Variants in TJP1 observed in about 807,000 individuals in gnomAD.
The protein encoded by TJP1 is tight junction protein ZO-1.
In TJP1, 43 loss-of-function variants were observed where a neutral mutation model predicts 194.2. The ratio of observed to expected loss-of-function variants is 0.22; its 90% CI spans 0.17 to 0.29. The LOEUF is 0.29. Ranked by LOEUF, TJP1 falls within the 10% of genes least tolerant of loss-of-function variation. The pLI is 1.00. For synonymous variants in TJP1, 801 were observed against 779.0 expected (o/e 1.03, Z -0.47); for missense variants, 1,971 against 2,185.7 (o/e 0.90, Z 1.96).
intron 2 of TJP1, among the ~76,000 whole-genome samples, chr15:29,912,695 CAAAAAAAAAA>C (rs71103416): frequency 3.5e-4 from 23 of 64,952 alleles, no homozygotes; most frequent in Non-Finnish European, 3.6e-4. Context: ...GACTCTGTCT[CAAAAAAAAAA>C]AAAAAAAAAA....
intron 2 of TJP1, among the ~76,000 whole-genome samples, chr15:29,778,254 AT>A (rs1239428004): frequency 6.6e-6 from 1 of 151,970 alleles, no homozygotes; most frequent in Non-Finnish European, 1.5e-5. Context: ...CTTGGGAACA[AT>A]TTCAAAACTG....
chr15:29,801,831 A>C (rs1350183057), intron 1 of TJP1, among the ~76,000 whole-genome samples: 1 of 152,078 alleles, frequency 6.6e-6, no homozygotes, highest in African/African-American at 2.4e-5. Flanking sequence ...TGAAAGAAGA[A>C]GAATTGTCTT....
intron 27 of TJP1, among the ~76,000 whole-genome samples, chr15:29,702,951 CTAAT>C (rs45489995): frequency 0.025 from 3,790 of 152,198 alleles, 167 homozygotes; most frequent in African/African-American, 0.086. Flanking sequence ...AAATAAAATT[CTAAT>C]TATTAACTGA....
chr15:29,703,728 C>T (rs1353109023), intron 27 of TJP1, among the ~76,000 whole-genome samples: 5 of 151,918 alleles, frequency 3.3e-5, no homozygotes, highest in Non-Finnish European at 4.4e-5. Flanking sequence ...CTGCAATCTC[C>T]GCCTCCCTGG....
chr15:29,722,887 G>A (rs561703393), intron 18 of TJP1, among the ~76,000 whole-genome samples: 1 of 152,150 alleles, frequency 6.6e-6, no homozygotes, highest in Non-Finnish European at 1.5e-5. Flanking sequence ...TTATTTTGGA[G>A]CTTTAAGATT....
chr15:29,720,116 T>C lies in TJP1; in HGVS notation c.2764-100A>G. The C allele has an allele frequency of 3.4e-6, 5 of 1,449,334 alleles. 1 individual carries two copies. In the South Asian group the frequency reaches 7.1e-5, roughly 21 times the overall value. 89.8% of individuals were successfully genotyped at this position (1,449,334 alleles called of 1,614,324 possible). ...TGGTAGACATACATTTTAAGTGTGC[T>C]GAATAACAAAATTATGACCTCATGT... On this transcript the variant is annotated intron_variant, in intron 19 of 27. Coordinates refer to ENST00000614355, the MANE Select transcript of TJP1 (RefSeq NM_001330239.4).
In TJP1 at chr15:29,720,367, G is replaced by A; in HGVS notation, c.2754C>T (p.Ala918=). ...HRIDSPGFKP[A]SQQKAEASSP... ...AATGCTTGCTGCTTACCTGTTGAGA[G>A]GCTGGCTTAAATCCAGGGGAGTCTA... Residue 918 remains alanine (A), a synonymous_variant, in exon 19 of 28, where the codon GCC becomes GCT. Coordinates refer to ENST00000614355, the MANE Select transcript of TJP1 (RefSeq NM_001330239.4). 6.3e-7 allele frequency: 1 copy of A among 1,583,112 alleles called. No homozygotes were observed. The highest frequency in any genetic ancestry group is 2.2e-5 in the East Asian group (1 of 44,546).
In TJP1 at chr15:29,754,806, G is replaced by A. The variant is rs544709247; in HGVS notation, c.1010+6333C>T. On this transcript the variant is annotated intron_variant, in intron 8 of 27. Transcript: ENST00000614355. Reference sequence around the variant, plus strand: ...GCGTCATGTTGGCACTCAAGTTTTGGATTTTGGAGCATTTTGGATTTTGCA... The same window carrying A: ...GCGTCATGTTGGCACTCAAGTTTTGAATTTTGGAGCATTTTGGATTTTGCA... Among the ~76,000 whole-genome samples the A allele has an allele frequency of 8.5e-5, 13 of 152,242 alleles. No homozygotes were observed. In the East Asian group the frequency reaches 1.5e-3, roughly 18 times the overall value.
At chr15:29,731,727 T>C (rs1436626135) in intron 15 of TJP1, among the ~76,000 whole-genome samples, 1 of 151,970 alleles carries the variant, frequency 6.6e-6, no homozygotes. Flanking sequence ...TTAACGATTG[T>C]CTGCCCATGT....
intron 2 of TJP1, among the ~76,000 whole-genome samples, chr15:29,837,554 G>A (rs1444667506): frequency 1.3e-5 from 2 of 151,890 alleles, no homozygotes; most frequent in Non-Finnish European, 2.9e-5. Context: ...GAGAAACTCC[G>A]TCTCAAAAAA....
At chr15:29,791,659 C>T (rs1321842575) in intron 2 of TJP1, among the ~76,000 whole-genome samples, 2 of 151,992 alleles carry the variant, frequency 1.3e-5, no homozygotes, top group Non-Finnish European at 2.9e-5. Context: ...TCCCAAAGTG[C>T]TGGGATTACA....
In TJP1 at chr15:29,860,315, A is replaced by C. The variant is rs150217273; in HGVS notation, c.307-59613T>G. 7.8e-3 allele frequency among the ~76,000 whole-genome samples: 1,193 copies of C among 152,254 alleles called. 3 individuals carry two copies. The highest frequency in any genetic ancestry group is 0.012 in the Non-Finnish European group (822 of 68,026). ...CCCTGGTTCCAGGGAGCAGAAAGTAATTACAGGACACCTATGCTGTCCATT... is the reference window on the plus strand; with the variant it reads ...CCCTGGTTCCAGGGAGCAGAAAGTACTTACAGGACACCTATGCTGTCCATT... On this transcript the variant is annotated intron_variant, in intron 2 of 28. Transcript: ENST00000356107.
chr15:29,713,913 G>A (rs926485271), intron 23 of TJP1, among the ~76,000 whole-genome samples: 1 of 152,168 alleles, frequency 6.6e-6, no homozygotes, highest in Non-Finnish European at 1.5e-5. Context: ...AAATCAAACT[G>A]AGTTCTGAGT....
chr15:29,869,865 G>C (rs986361390), intron 2 of TJP1, among the ~76,000 whole-genome samples: 16 of 140,192 alleles, frequency 1.1e-4, no homozygotes, highest in African/African-American at 4.3e-4. Context: ...GGAGTGCAGT[G>C]GCGCGATCTC....
At chr15:29,736,096 A>G (rs1388084194) in intron 11 of TJP1, among the ~76,000 whole-genome samples, 1 of 152,214 alleles carries the variant, frequency 6.6e-6, no homozygotes, top group African/African-American at 2.4e-5. Flanking sequence ...AAGTACTTCA[A>G]AAAAGATTAA....
intron 2 of TJP1, among the ~76,000 whole-genome samples, chr15:29,862,890 C>A (rs537335147): frequency 6.6e-6 from 1 of 151,144 alleles, no homozygotes; most frequent in Non-Finnish European, 1.5e-5. Flanking sequence ...CTTCGTGATC[C>A]GCCCGCCTCG....
Position 29,718,851 on chromosome 15 carries a change from T to C in TJP1, c.3291A>G (p.Lys1097=). 2 of 1,614,210 alleles carry C rather than the reference T, an allele frequency of 1.2e-6. No homozygotes were observed. The highest frequency in any genetic ancestry group is 1.7e-6 in the Non-Finnish European group (2 of 1,180,036). Residue 1097 remains lysine (K), a synonymous_variant, in exon 21 of 28, where the codon AAA becomes AAG. Coordinates refer to ENST00000614355, the MANE Select transcript of TJP1 (RefSeq NM_001330239.4). ...YEEQWSYYDD[K]QPYPSRPPFD... is the part of the protein sequence containing the mutation. ...AAGGTGGCCGAGATGGGTAGGGCTG[T>C]TTGTCATCATAATATGACCACTGTT...
In TJP1 at chr15:29,737,276, A is replaced by T; in HGVS notation, c.1395T>A (p.Asp465Glu). Residue 465 changes from aspartate to glutamate, a missense_variant, in exon 11 of 28, where the codon GAT becomes GAA. Coordinates refer to ENST00000614355, the MANE Select transcript of TJP1 (RefSeq NM_001330239.4). ...PAAKEGLEEG[D>E]QILRVNNVDF... is the part of the protein sequence containing the mutation. ...AATACTGACATACCCTGAGAATTTG[A>T]TCACCTTCCTCTAAGCCTTCCTTGG... 2 of 1,614,042 alleles carry T rather than the reference A, an allele frequency of 1.2e-6. No homozygotes were observed. The highest frequency in any genetic ancestry group is 2.2e-5 in the South Asian group (2 of 91,042).
intron 2 of TJP1, among the ~76,000 whole-genome samples, chr15:29,834,959 C>T (rs978298865): frequency 2.0e-5 from 3 of 151,998 alleles, no homozygotes; most frequent in African/African-American, 4.8e-5. Flanking sequence ...ACACACATGG[C>T]GAAGGCATCA....
Sources: gnomAD v4.1 joint callset for allele counts (sites outside exome capture counted in the v4.1 genomes callset) on GRCh38, gnomAD v4.1.1 for gene constraint, MANE v1.5 for transcripts, NCBI Gene and HGNC (gene_info 2026-07-23, HGNC 2026-07-21) for gene names.